Variants in ATE1 observed in about 807,000 individuals in gnomAD.
ATE1 encodes the protein arginyl-tRNA--protein transferase 1.
Under a neutral mutation model 70.5 loss-of-function variants are expected in ATE1, and 36 were observed. That is an observed-to-expected ratio of 0.51 (90% CI 0.39 to 0.67). The LOEUF is 0.67. Among genes scored for constraint, ATE1 ranks in the 30% least tolerant of loss-of-function variants. The pLI, the probability that ATE1 is intolerant of heterozygous loss-of-function variation, is 0.00. For missense variants in ATE1, 593 were observed against 629.5 expected, an observed-to-expected ratio of 0.94 and a Z score of 0.62; for synonymous variants, 232 against 219.3, an observed-to-expected ratio of 1.06 and a Z score of -0.51.
At chr10:121,776,132 C>T (rs187131977) in intron 11 of ATE1, among the ~76,000 whole-genome samples, 170 of 152,206 alleles carry the variant, frequency 1.1e-3, no homozygotes, top group Non-Finnish European at 1.4e-3. Context: ...TCAGGGTAAT[C>T]GGGACACCAG....
chr10:121,803,337 C>T (rs754729312), intron 10 of ATE1, among the ~76,000 whole-genome samples: 6 of 152,294 alleles, frequency 3.9e-5, no homozygotes, highest in Admixed American at 1.3e-4. Flanking sequence ...TCCCTAGTTG[C>T]ATTTAAATAT....
chr10:121,824,965 T>C (rs771438493), intron 10 of ATE1, among the ~76,000 whole-genome samples: 1 of 145,692 alleles, frequency 6.9e-6, no homozygotes, highest in Non-Finnish European at 1.5e-5. Flanking sequence ...AAAAAAAAAG[T>C]GAATAGCTAT....
In ATE1 at chr10:121,910,950, C is replaced by A; in HGVS notation, c.539G>T (p.Gly180Val). 1 of 1,613,858 alleles carries A rather than the reference C, an allele frequency of 6.2e-7. No individual in the cohort carries two copies. Among genetic ancestry groups the A allele is most frequent in the South Asian group, 1.1e-5 (1 of 90,946 alleles). ...QDFVGEKLGS[G>V]EPSHSVKVHT... The stretch of plus-strand genomic sequence containing the variant: ...AACTTTAACTGAATGTGACGGTTCA[C>A]CAGAGCCCAACTTCTCTCCTACGAA... The change falls in exon 5 of 12, where the codon GGT becomes GTT. Residue 180 changes from glycine (G) to valine (V), a missense_variant. Transcript: ENST00000224652.
intron 7 of ATE1, among the ~76,000 whole-genome samples, chr10:121,898,553 C>G (rs542417395): frequency 6.6e-6 from 1 of 152,174 alleles, no homozygotes; most frequent in Non-Finnish European, 1.5e-5. Context: ...GGTGCACAGT[C>G]TGGCACACGA....
At chr10:121,856,913 A>G (rs570581391) in intron 8 of ATE1, among the ~76,000 whole-genome samples, 77 of 152,350 alleles carry the variant, frequency 5.1e-4, no homozygotes, top group Middle Eastern at 3.4e-3. Context: ...AAAACTGCTC[A>G]TTGGTTTACT....
intron 7 of ATE1, among the ~76,000 whole-genome samples, chr10:121,875,015 C>CG (rs369007088): frequency 2.1e-5 from 3 of 146,282 alleles, no homozygotes; most frequent in South Asian, 2.1e-4. Context: ...TAGCCGGGCA[C>CG]GTAGTCCCAG....
intron 5 of ATE1, among the ~76,000 whole-genome samples, chr10:121,905,741 A>C (rs1243385472): frequency 6.6e-6 from 1 of 152,136 alleles, no homozygotes; most frequent in Non-Finnish European, 1.5e-5. Context: ...GCTACTTGGG[A>C]ACCTGAGGCA....
chr10:121,823,300 AAAAAC>A (rs773187203), intron 10 of ATE1, among the ~76,000 whole-genome samples: 35 of 152,234 alleles, frequency 2.3e-4, no homozygotes, highest in South Asian at 8.3e-4. Context: ...AAAAAAAAAC[AAAAAC>A]AAAACAAAAC....
At chr10:121,827,746 G>T (rs920960308) in intron 10 of ATE1, among the ~76,000 whole-genome samples, 2 of 152,162 alleles carry the variant, frequency 1.3e-5, no homozygotes, top group Non-Finnish European at 2.9e-5. Context: ...TGCCTTACAT[G>T]TAAGACTATG....
At chr10:121,844,374 T>C (rs1380572170) in intron 8 of ATE1, among the ~76,000 whole-genome samples, 1 of 152,186 alleles carries the variant, frequency 6.6e-6, no homozygotes, top group Admixed American at 6.5e-5. Context: ...ATTAGGGAAC[T>C]GCAAATTAAA....
At chr10:121,770,233 AACACACACACAC>A (rs3036837) in intron 11 of ATE1, among the ~76,000 whole-genome samples, 22 of 136,924 alleles carry the variant, frequency 1.6e-4, no homozygotes, top group East Asian at 1.5e-3. Flanking sequence ...ACAAGAGAGA[AACACACACACAC>A]ACACACACAC....
intron 7 of ATE1, among the ~76,000 whole-genome samples, chr10:121,892,840 C>A (rs932612119): frequency 1.3e-4 from 20 of 152,148 alleles, no homozygotes; most frequent in African/African-American, 4.8e-4. Flanking sequence ...TTAAAAAGAT[C>A]AGGGAGAGAC....
At chr10:121,911,498 A>C (rs1244242817) in intron 4 of ATE1, among the ~76,000 whole-genome samples, 1 of 151,718 alleles carries the variant, frequency 6.6e-6, no homozygotes, top group African/African-American at 2.4e-5. Context: ...ATGTACTGCC[A>C]GTCCCTTTAC....
chr10:121,915,532 G>T (rs1358650092), intron 3 of ATE1, among the ~76,000 whole-genome samples: 1 of 152,168 alleles, frequency 6.6e-6, no homozygotes, highest in Non-Finnish European at 1.5e-5. Flanking sequence ...CAGTTTGTCT[G>T]TGATGGATAA....
intron 7 of ATE1, among the ~76,000 whole-genome samples, chr10:121,871,461 A>G (rs1286370936): frequency 3.3e-5 from 5 of 152,196 alleles, no homozygotes; most frequent in Non-Finnish European, 7.3e-5. Flanking sequence ...CTCTGTCCCA[A>G]AAATAAAAAA....
chr10:121,802,850 G>A lies in ATE1; in HGVS notation c.1258-12561C>T, dbSNP rs535151910. Among the ~76,000 whole-genome samples the A allele has an allele frequency of 7.9e-4, 121 of 152,266 alleles. 1 individual carries two copies. The highest frequency in any genetic ancestry group is 2.8e-3 in the African/African-American group (116 of 41,560). ...GCATGCCATGGTGAACAACAGCACT[G>A]CCAGGTTCAGTTCTCAGGGACTTTC... On this transcript the variant is annotated intron_variant, in intron 10 of 11. Transcript: ENST00000224652.
intron 7 of ATE1, among the ~76,000 whole-genome samples, chr10:121,876,872 A>C (rs1182587767): frequency 6.6e-6 from 1 of 151,860 alleles, no homozygotes. Flanking sequence ...AGGCTGAGGC[A>C]GGAGAATGGC....
chr10:121,825,156 T>G (rs974794838), intron 10 of ATE1, among the ~76,000 whole-genome samples: 4 of 151,718 alleles, frequency 2.6e-5, no homozygotes, highest in Non-Finnish European at 5.9e-5. Context: ...TAATAATTTA[T>G]TAAATAATAT....
intron 1 of ATE1, chr10:121,927,341 CTTTTT>C: frequency 3.5e-6 from 3 of 862,988 alleles, no homozygotes; most frequent in Non-Finnish European, 4.2e-6. Context: ...TTTTTTTTAA[CTTTTT>C]TTTTTTTTAA....
Sources: gnomAD v4.1 joint callset for allele counts (sites outside exome capture counted in the v4.1 genomes callset) on GRCh38, gnomAD v4.1.1 for gene constraint, MANE v1.5 for transcripts, NCBI Gene and HGNC (gene_info 2026-07-23, HGNC 2026-07-21) for gene names.